The following ZFAND6 variants were observed in gnomAD, a reference collection of about 807,000 sequenced individuals.
ZFAND6 encodes the protein zinc finger AN1-type containing 6.
A neutral mutation model predicts 24.5 loss-of-function variants in ZFAND6; 12 were observed. That is an observed-to-expected ratio of 0.49 (90% CI 0.31 to 0.79). ZFAND6 has a LOEUF of 0.79. Among genes scored for constraint, ZFAND6 ranks in the 30% least tolerant of loss-of-function variants. The pLI, the probability that ZFAND6 is intolerant of heterozygous loss-of-function variation, is 0.04. For synonymous variants in ZFAND6, 92 were observed against 81.5 expected (o/e 1.13, Z -0.69); for missense variants, 207 against 245.9 (o/e 0.84, Z 1.06).
chr15:80,127,200 T>A (rs887905749), intron 5 of ZFAND6, among the ~76,000 whole-genome samples: 2 of 152,066 alleles, frequency 1.3e-5, no homozygotes, highest in African/African-American at 4.8e-5. Flanking sequence ...TAATTACAAT[T>A]CAACAATAGA....
intron 1 of ZFAND6, among the ~76,000 whole-genome samples, chr15:80,085,249 C>T (rs2037920811): frequency 6.6e-6 from 1 of 152,174 alleles, no homozygotes; most frequent in Non-Finnish European, 1.5e-5. Flanking sequence ...AATTTTTGTA[C>T]GTGGTTTAAG....
In ZFAND6 at chr15:80,131,301, C is replaced by T. The variant is rs759073108; in HGVS notation, c.478+8C>T. On this transcript the variant is annotated splice_region_variant and intron_variant, in intron 6 of 6. Transcript: ENST00000261749. ...AGAAAGTGGGACTTACTGGTAAGGA[C>T]CTAAATCAAATGTTTAAAATTAAAA... is the stretch of plus-strand genomic sequence containing the variant. The T allele has an allele frequency of 6.2e-7, 1 of 1,606,854 alleles. No individual in the cohort carries two copies. The highest frequency in any genetic ancestry group is 1.3e-5 in the African/African-American group (1 of 74,836).
At chr15:80,066,875 C>T (rs1371792065) in intron 1 of ZFAND6, among the ~76,000 whole-genome samples, 3 of 146,308 alleles carry the variant, frequency 2.1e-5, no homozygotes, top group South Asian at 2.2e-4. Context: ...CTAGCCTGGG[C>T]GACACAGTGA....
In ZFAND6 at chr15:80,121,057, C is replaced by T. The variant is rs541998400; in HGVS notation, c.154+559C>T. 2.8e-4 allele frequency among the ~76,000 whole-genome samples: 42 copies of T among 152,248 alleles called. No individual in the cohort carries two copies. The South Asian group carries it at 8.1e-3, about 29-fold the overall frequency. ...CAGTAGTTGTATAAGAAGGATCATG[C>T]GGATTCCAAGTATAAGCTTTGCAAA... is the stretch of plus-strand genomic sequence containing the variant. On this transcript the variant is annotated intron_variant, in intron 3 of 6. Transcript: ENST00000261749.
chr15:80,086,968 A>G (rs2038043335), intron 1 of ZFAND6, among the ~76,000 whole-genome samples: 1 of 152,224 alleles, frequency 6.6e-6, no homozygotes, highest in South Asian at 2.1e-4. Flanking sequence ...TTCAGGGTTC[A>G]TCCAGATTGT....
chr15:80,068,673 G>A (rs1205194254), intron 1 of ZFAND6, among the ~76,000 whole-genome samples: 1 of 152,214 alleles, frequency 6.6e-6, no homozygotes, highest in Non-Finnish European at 1.5e-5. Flanking sequence ...CGCTCAGCCG[G>A]TCTTGAACTT....
chr15:80,111,055 T>A (rs2039583892), intron 2 of ZFAND6, among the ~76,000 whole-genome samples: 1 of 152,228 alleles, frequency 6.6e-6, no homozygotes, highest in Non-Finnish European at 1.5e-5. Flanking sequence ...TCAGCTTCAG[T>A]AATACAGATA....
At chr15:80,083,077 C>T (rs1342283551) in intron 1 of ZFAND6, among the ~76,000 whole-genome samples, 3 of 152,192 alleles carry the variant, frequency 2.0e-5, no homozygotes, top group East Asian at 1.9e-4. Context: ...CTGCAAGCTC[C>T]GCCTCCTGGG....
rs185107943 is a variant in ZFAND6, at chr15:80,079,776, G to A, written c.-180-18640G>A. Among the ~76,000 whole-genome samples the A allele has an allele frequency of 2.3e-3, 343 of 146,250 alleles. 1 individual carries two copies. Among genetic ancestry groups the A allele is most frequent in the South Asian group, 4.6e-3 (21 of 4,524 alleles). On this transcript the variant is annotated intron_variant, in intron 1 of 6. Transcript: ENST00000261749. ...GCCATCCTCCTGCCTTAGCCTCCCC[G>A]AGTAGCTGGGACTACAGGCGCCCGC...
rs1440184266 is a variant in ZFAND6 at position 80,059,808 on chromosome 15, A to C, written c.-182A>C. ...GTGTCAGGCGGAGAGACCCGCCGCCAGGTGAGGAGCGCGGCCCGCGGGGCC... is the reference window on the plus strand; with the variant it reads ...GTGTCAGGCGGAGAGACCCGCCGCCCGGTGAGGAGCGCGGCCCGCGGGGCC... On this transcript the variant is annotated splice_region_variant and 5_prime_UTR_variant, in exon 1 of 7. Coordinates refer to ENST00000261749, the MANE Select transcript of ZFAND6 (RefSeq NM_019006.4). 5 of 151,802 alleles carry C rather than the reference A, an allele frequency of 3.3e-5. No individual in the cohort carries two copies. The highest frequency in any genetic ancestry group is 1.2e-4 in the African/African-American group (5 of 41,360). The allele number at this position is 151,802 out of a possible 1,614,324, so 9.4% of individuals were successfully genotyped here.
chr15:80,097,500 T>C (rs1248310463), intron 1 of ZFAND6, among the ~76,000 whole-genome samples: 2 of 151,882 alleles, frequency 1.3e-5, no homozygotes, highest in Admixed American at 6.6e-5. Context: ...ATACAAAAAT[T>C]AGCCAGGCGT....
At chr15:80,129,287 G>A (rs918335195) in intron 5 of ZFAND6, among the ~76,000 whole-genome samples, 2 of 152,338 alleles carry the variant, frequency 1.3e-5, no homozygotes, top group East Asian at 1.9e-4. Flanking sequence ...TAATAGAACT[G>A]TCCCCTGTCT....
intron 2 of ZFAND6, among the ~76,000 whole-genome samples, chr15:80,101,984 C>T (rs956223800): frequency 2.0e-5 from 3 of 151,002 alleles, no homozygotes; most frequent in African/African-American, 7.3e-5. Flanking sequence ...TAGTAGAGAA[C>T]GGGGTTTTTT....
chr15:80,091,109 C>G (rs879529859), intron 1 of ZFAND6, among the ~76,000 whole-genome samples: 1 of 151,860 alleles, frequency 6.6e-6, no homozygotes, highest in Non-Finnish European at 1.5e-5. Flanking sequence ...AAAGGAAATT[C>G]TTGCAAAGAA....
At chr15:80,122,226 A>G (rs2040178848) in intron 4 of ZFAND6, among the ~76,000 whole-genome samples, 1 of 152,134 alleles carries the variant, frequency 6.6e-6, no homozygotes, top group South Asian at 2.1e-4. Context: ...GTGTATATAT[A>G]TATTTTTTAA....
chr15:80,136,911 T>G (rs2040891260), intron 6 of ZFAND6, among the ~76,000 whole-genome samples: 1 of 152,228 alleles, frequency 6.6e-6, no homozygotes, highest in Non-Finnish European at 1.5e-5. Context: ...AAATTACAGA[T>G]GCAGAAACTC....
intron 1 of ZFAND6, among the ~76,000 whole-genome samples, chr15:80,096,644 T>G (rs2038739242): frequency 6.6e-6 from 1 of 152,230 alleles, no homozygotes; most frequent in Non-Finnish European, 1.5e-5. Flanking sequence ...TGGGTGCTAT[T>G]TCTCATGGTG....
At chr15:80,124,394 C>G (rs2040283488) in intron 5 of ZFAND6, among the ~76,000 whole-genome samples, 1 of 151,354 alleles carries the variant, frequency 6.6e-6, no homozygotes, top group Admixed American at 6.6e-5. Context: ...GATGGCGCCA[C>G]TGCACTCCAG....
chr15:80,061,637 C>A (rs1430541721), intron 1 of ZFAND6, among the ~76,000 whole-genome samples: 1 of 152,108 alleles, frequency 6.6e-6, no homozygotes, highest in Non-Finnish European at 1.5e-5. Flanking sequence ...TAGTATGTGG[C>A]TGTAGTTTAT....
Sources: gnomAD v4.1 joint callset for allele counts (sites outside exome capture counted in the v4.1 genomes callset) on GRCh38, gnomAD v4.1.1 for gene constraint, MANE v1.5 for transcripts, NCBI Gene and HGNC (gene_info 2026-07-23, HGNC 2026-07-21) for gene names.